Variants in EML6 observed in about 807,000 individuals in gnomAD.
The protein encoded by EML6 is EMAP like 6.
EML6 carries 154 observed loss-of-function variants against 240.1 expected under a neutral mutation model. The observed-to-expected ratio is 0.64, with a 90% CI of 0.56 to 0.73. The LOEUF is 0.73. Ranked by LOEUF, EML6 falls within the 30% of genes least tolerant of loss-of-function variation. EML6 has a pLI of 0.00. For missense variants in EML6, 2,964 were observed against 2,474.6 expected (o/e 1.20, Z -4.20); for synonymous variants, 1,148 against 899.0 (o/e 1.28, Z -4.95).
At chr2:54,959,523 A>C (rs1314702320) in intron 34 of EML6, among the ~76,000 whole-genome samples, 1 of 152,166 alleles carries the variant, frequency 6.6e-6, no homozygotes, top group Non-Finnish European at 1.5e-5. Flanking sequence ...GCACTTTGGG[A>C]GGCCAAGGTG....
intron 5 of EML6, 23 bp from the exon 6 acceptor site, chr2:54,827,543 C>T: frequency 6.5e-7 from 1 of 1,537,710 alleles, no homozygotes; most frequent in Non-Finnish European, 8.8e-7. Context: ...TCTTGGAGAT[C>T]TATTTTATCA....
At chr2:54,933,467 G>T (rs1475973866) in intron 28 of EML6, among the ~76,000 whole-genome samples, 1 of 152,164 alleles carries the variant, frequency 6.6e-6, no homozygotes, top group Non-Finnish European at 1.5e-5. Context: ...AGGCACGGTG[G>T]CTTATGCCTG....
At chr2:54,847,693 A>G in intron 9 of EML6, 70 bp downstream of exon 9, 1 of 1,504,524 alleles carries the variant, frequency 6.6e-7, no homozygotes, top group Non-Finnish European at 9.0e-7. Flanking sequence ...TCCTGGTCAT[A>G]ATACATGCTA....
chr2:54,916,185 T>G (rs965419769), intron 25 of EML6, among the ~76,000 whole-genome samples: 1 of 152,250 alleles, frequency 6.6e-6, no homozygotes, highest in East Asian at 1.9e-4. Flanking sequence ...CAGTCATGTT[T>G]TTTAAAGTTG....
rs757966004 is a variant in EML6, at chr2:54,895,315, T to G, written c.2897T>G (p.Leu966Trp). The change falls in exon 21 of 42, where the codon TTG becomes TGG. Residue 966 changes from leucine to tryptophan, a missense_variant. Leu to Trp is a moderately conservative substitution (Grantham distance 61). Transcript: ENST00000356458. ...AACCCTTCAATTCGTGCCATCACTT[T>G]GGGACATGGACATATCCTGGTGGGA... Reference protein sequence around the residue: ...EDNPSIRAITLGHGHILVGTK... With the variant: ...EDNPSIRAITWGHGHILVGTK... The G allele has an allele frequency of 2.6e-6, 4 of 1,551,960 alleles. No homozygotes were observed. The South Asian group carries it at 3.6e-5, about 14-fold the overall frequency.
chr2:54,899,067 G>T (rs1672920983), intron 21 of EML6, among the ~76,000 whole-genome samples: 1 of 152,166 alleles, frequency 6.6e-6, no homozygotes, highest in African/African-American at 2.4e-5. Context: ...CGCAGAACCT[G>T]GGCTACACCG....
At position 54,892,546 on chromosome 2, in the gene EML6, G is replaced by A. The variant is rs1327853560; in HGVS notation, c.2632G>A (p.Val878Met). ...CVSYGRMEDL[V>M]FSGAATGDIF... Reference sequence around the variant, plus strand: ...TTCTTACGGACGAATGGAAGATCTAGTGTTCTCAGGAGCAGCTACTGGAGA... The same window carrying A: ...TTCTTACGGACGAATGGAAGATCTAATGTTCTCAGGAGCAGCTACTGGAGA... Residue 878 changes from valine (V) to methionine (M), a missense_variant, in exon 19 of 42, where the codon GTG (valine) becomes ATG (methionine). By Grantham distance (21) the Val-to-Met change is conservative. Coordinates refer to ENST00000356458, the MANE Select transcript of EML6 (RefSeq NM_001039753.4). 6.4e-7 allele frequency: 1 copy of A among 1,551,280 alleles called. No individual in the cohort carries two copies. Among genetic ancestry groups the A allele is most frequent in the Non-Finnish European group, 8.7e-7 (1 of 1,146,552 alleles).
chr2:54,923,575 C>T (rs578240476), intron 26 of EML6, among the ~76,000 whole-genome samples: 44 of 152,200 alleles, frequency 2.9e-4, no homozygotes, highest in Admixed American at 1.7e-3. Flanking sequence ...AAGATACTTA[C>T]CCCTAAATGT....
intron 7 of EML6, among the ~76,000 whole-genome samples, chr2:54,841,100 G>T (rs972550395): frequency 4.8e-5 from 1 of 20,688 alleles, no homozygotes; most frequent in Non-Finnish European, 8.6e-5. Flanking sequence ...AGGACAAGGA[G>T]GGGGGGCTGT....
chr2:54,739,708 C>G (rs1683549464), intron 2 of EML6, among the ~76,000 whole-genome samples: 2 of 152,176 alleles, frequency 1.3e-5, no homozygotes, highest in African/African-American at 4.8e-5. Context: ...GGACATACTC[C>G]TAGCCCATTC....
intron 24 of EML6, among the ~76,000 whole-genome samples, chr2:54,910,168 T>C (rs1286013751): frequency 6.6e-6 from 1 of 152,208 alleles, no homozygotes; most frequent in Non-Finnish European, 1.5e-5. Context: ...ACAGTGGGCA[T>C]ACAGGGGTTC....
intron 21 of EML6, 94 bp downstream of exon 21, chr2:54,895,494 C>T (rs1672716148): frequency 8.0e-7 from 1 of 1,243,340 alleles, no homozygotes; most frequent in Non-Finnish European, 1.1e-6. Flanking sequence ...CTTAAGGAGG[C>T]ACTCACTCTC....
chr2:54,871,654 GACAC>G, intron 16 of EML6, 49 bp downstream of exon 16: 3 of 1,302,712 alleles, frequency 2.3e-6, no homozygotes, highest in Non-Finnish European at 3.3e-6. Context: ...GAGAGAGAGA[GACAC>G]AGAGAGAGTA....
chr2:54,929,692 AC>A (rs1674751112), intron 28 of EML6, among the ~76,000 whole-genome samples: 1 of 143,066 alleles, frequency 7.0e-6, no homozygotes, highest in Non-Finnish European at 1.5e-5. Context: ...AAGAAATGTA[AC>A]CTCCTCCTCC....
At chr2:54,790,062 T>C (rs165048) in intron 2 of EML6, among the ~76,000 whole-genome samples, 53,554 of 152,056 alleles carry the variant, frequency 0.35, 10,080 homozygotes, top group African/African-American at 0.47. Context: ...GATCTAAGAA[T>C]AGTCAGCATT....
intron 2 of EML6, among the ~76,000 whole-genome samples, chr2:54,733,467 A>G (rs1683256963): frequency 6.6e-6 from 1 of 152,186 alleles, no homozygotes; most frequent in Non-Finnish European, 1.5e-5. Context: ...TTGGAACTCA[A>G]TTACAGGGAG....
intron 2 of EML6, among the ~76,000 whole-genome samples, chr2:54,746,423 A>G (rs903177472): frequency 1.3e-5 from 2 of 152,246 alleles, no homozygotes; most frequent in African/African-American, 4.8e-5. Flanking sequence ...CCTTGGGTAC[A>G]GGCTTGTGAT....
intron 28 of EML6, among the ~76,000 whole-genome samples, chr2:54,946,564 G>T (rs1573196928): frequency 6.6e-6 from 1 of 152,204 alleles, no homozygotes; most frequent in South Asian, 2.1e-4. Context: ...GTCTCTGGCA[G>T]TCCCTCCCAC....
intron 35 of EML6, 148 bp downstream of exon 35, chr2:54,960,482 A>G: frequency 1.6e-6 from 1 of 635,030 alleles, no homozygotes; most frequent in Non-Finnish European, 2.8e-6. Context: ...AAGCAGCTTA[A>G]GAGAGTCAGA....
Sources: gnomAD v4.1 joint callset for allele counts (sites outside exome capture counted in the v4.1 genomes callset) on GRCh38, gnomAD v4.1.1 for gene constraint, MANE v1.5 for transcripts, NCBI Gene and HGNC (gene_info 2026-07-23, HGNC 2026-07-21) for gene names.